The following RAB3IL1 variants were observed in gnomAD, a reference collection of about 807,000 sequenced individuals.
RAB3IL1 encodes RAB3A interacting protein like 1, also known as guanine nucleotide exchange factor for Rab-3A.
In RAB3IL1, 37 loss-of-function variants were observed where a neutral mutation model predicts 49.2. The observed-to-expected ratio is 0.75, with a 90% confidence interval of 0.58 to 0.99. RAB3IL1 has a LOEUF of 0.99. Ranked by LOEUF, RAB3IL1 falls within the 50% of genes least tolerant of loss-of-function variation. The pLI is 0.00. For missense variants in RAB3IL1, 484 were observed against 513.0 expected (o/e 0.94, Z 0.55); for synonymous variants, 193 against 213.9 (o/e 0.90, Z 0.85).
chr11:61,901,326 C>A (rs1178667842), intron 8 of RAB3IL1, among the ~76,000 whole-genome samples: 1 of 152,188 alleles, frequency 6.6e-6, no homozygotes, highest in Non-Finnish European at 1.5e-5. Context: ...TTGGTGAGAA[C>A]CCCTGTCCTG....
upstream of RAB3IL1, chr11:61,917,667 C>A: frequency 2.8e-6 from 2 of 701,814 alleles, no homozygotes; most frequent in Non-Finnish European, 3.5e-6. Context: ...TGGCCCCACC[C>A]GGCCCGCCGC....
At chr11:61,941,615 G>A in the RAB3IL1 span, among the ~76,000 whole-genome samples, 1 of 152,088 alleles carries the variant, frequency 6.6e-6, no homozygotes, top group Admixed American at 6.6e-5. Flanking sequence ...AGCCAGGTGT[G>A]GTGGCAGGCA....
the RAB3IL1 span, among the ~76,000 whole-genome samples, chr11:61,933,226 G>T: frequency 4.6e-5 from 7 of 152,194 alleles, no homozygotes; most frequent in East Asian, 1.3e-3. Flanking sequence ...TTAAGTTAAG[G>T]ACCGTGAGAT....
rs781070983 is a variant in RAB3IL1 at position 61,899,350 on chromosome 11, T to G, written c.1030A>C (p.Ile344Leu). Reference sequence around the variant, plus strand: ...ACCAGGCCTTGCTGGATGTAGCGGATGTAGGTGAAGAAGTTGCACACTGCG... The same window carrying G: ...ACCAGGCCTTGCTGGATGTAGCGGAGGTAGGTGAAGAAGTTGCACACTGCG... ...ITAVCNFFTYIRYIQQGLVRQ... is the reference protein window; with the variant it reads ...ITAVCNFFTYLRYIQQGLVRQ... Residue 344 changes from isoleucine (I) to leucine (L), a missense_variant, in exon 9 of 10, where the codon ATC (isoleucine) becomes CTC (leucine). Coordinates refer to ENST00000394836, the MANE Select transcript of RAB3IL1 (RefSeq NM_013401.4). 6 of 1,609,104 alleles carry G rather than the reference T, an allele frequency of 3.7e-6. No individual in the cohort carries two copies. Among genetic ancestry groups the G allele is most frequent in the Non-Finnish European group, 4.2e-6 (5 of 1,179,768 alleles).
Position 61,917,435 on chromosome 11 carries a change from G to A in RAB3IL1, c.-68C>T. On this transcript the variant is annotated 5_prime_UTR_variant, in exon 1 of 10. Coordinates refer to ENST00000394836, the MANE Select transcript of RAB3IL1 (RefSeq NM_013401.4). ...CGCGTCCTCCCAGCGCCGCGTCCCC[G>A]CCCGCCGCCGACTCCGCCAGGGGCC... 8.4e-7 allele frequency: 1 copy of A among 1,189,254 alleles called. No homozygotes were observed. Among genetic ancestry groups the A allele is most frequent in the Non-Finnish European group, 1.0e-6 (1 of 962,772 alleles). The allele number at this position is 1,189,254 out of a possible 1,614,324, so 73.7% of individuals were successfully genotyped here. A position where few individuals can be genotyped will look rare whatever the true frequency, so the allele number is the denominator to read the frequency against.
intron 1 of RAB3IL1, among the ~76,000 whole-genome samples, chr11:61,916,910 C>T (rs1939716302): frequency 6.6e-6 from 1 of 152,024 alleles, no homozygotes; most frequent in African/African-American, 2.4e-5. Flanking sequence ...GAGGTTCTGC[C>T]CTCAACTTGG....
Position 61,906,604 on chromosome 11 carries a change from A to T in RAB3IL1, c.519T>A (p.Leu173=). 1 of 1,611,232 alleles carries T rather than the reference A, an allele frequency of 6.2e-7. No homozygotes were observed. The highest frequency in any genetic ancestry group is 1.1e-5 in the South Asian group (1 of 90,452). Residue 173 remains leucine (L), a synonymous_variant, in exon 5 of 10, where the codon CTT becomes CTA. Coordinates refer to ENST00000394836, the MANE Select transcript of RAB3IL1 (RefSeq NM_013401.4). This position sits in a 1 kb window ranked among gnomAD's most constrained non-coding sequence, Gnocchi z 4.6. ...TGGTGGGGCTCAGCAGCTGGGGGTG[A>T]AGCTCGCGGTTGGGAGAGGCTGGTG... The part of the protein sequence containing the change: ...TSTPASPNRE[L]HPQLLSPTKA...
At chr11:61,913,790 GC>G (rs1939564856) in intron 1 of RAB3IL1, among the ~76,000 whole-genome samples, 1 of 152,188 alleles carries the variant, frequency 6.6e-6, no homozygotes, top group Non-Finnish European at 1.5e-5. Flanking sequence ...CGACCAGGCA[GC>G]CCCCTTCTTA....
At chr11:61,926,906 A>C in the RAB3IL1 span, among the ~76,000 whole-genome samples, 1 of 151,580 alleles carries the variant, frequency 6.6e-6, no homozygotes. Flanking sequence ...AGGCCCATGC[A>C]ATGCCACAAT....
chr11:61,945,447 C>A, the RAB3IL1 span, among the ~76,000 whole-genome samples: 1 of 152,194 alleles, frequency 6.6e-6, no homozygotes, highest in Non-Finnish European at 1.5e-5. Flanking sequence ...CGGGGAGTTG[C>A]TGCACTCACC....
At chr11:61,933,001 C>T in the RAB3IL1 span, among the ~76,000 whole-genome samples, 1 of 152,104 alleles carries the variant, frequency 6.6e-6, no homozygotes, top group Middle Eastern at 3.2e-3. Context: ...AAACTCCTGA[C>T]CTTGTGATCT....
At chr11:61,909,040 T>A (rs1293059092) in intron 1 of RAB3IL1, among the ~76,000 whole-genome samples, 1 of 151,820 alleles carries the variant, frequency 6.6e-6, no homozygotes, top group Non-Finnish European at 1.5e-5. Flanking sequence ...CCACCCACAC[T>A]CTCCACTCCA....
chr11:61,917,555 T>G lies in RAB3IL1; in HGVS notation c.-188A>C. The G allele has an allele frequency of 1.8e-6, 2 of 1,096,800 alleles. No individual in the cohort carries two copies. The highest frequency in any genetic ancestry group is 8.9e-5 in the South Asian group (2 of 22,556). 67.9% of individuals were successfully genotyped at this position (1,096,800 alleles called of 1,614,324 possible). A position where few individuals can be genotyped will look rare whatever the true frequency, so the allele number is the denominator to read the frequency against. ...CCCCAGCCCAGCCCCGACCCTGCCC[T>G]GGGCGGGTCACGTGGCGGAGGGGGG... On this transcript the variant is annotated 5_prime_UTR_variant, in exon 1 of 10. Coordinates refer to ENST00000394836, the MANE Select transcript of RAB3IL1 (RefSeq NM_013401.4).
chr11:61,901,697 T>C (rs1938924915), intron 8 of RAB3IL1, among the ~76,000 whole-genome samples: 1 of 152,210 alleles, frequency 6.6e-6, no homozygotes, highest in Non-Finnish European at 1.5e-5. Context: ...GGGTGTCCCC[T>C]TGCCAGCAGC....
At chr11:61,928,613 C>T in the RAB3IL1 span, among the ~76,000 whole-genome samples, 1 of 150,508 alleles carries the variant, frequency 6.6e-6, no homozygotes, top group Non-Finnish European at 1.5e-5. Context: ...AGCTAAGACC[C>T]TCCAAATACA....
At chr11:61,899,423 C>T (rs750199889) in intron 8 of RAB3IL1, 43 bp from the exon 9 acceptor site, 1 of 1,579,880 alleles carries the variant, frequency 6.3e-7, no homozygotes, top group East Asian at 2.3e-5. Context: ...CAGCCCCACG[C>T]TGGGGGTCCC....
chr11:61,904,478 C>T (rs1483466343), intron 7 of RAB3IL1, 68 bp downstream of exon 7: 1 of 1,437,782 alleles, frequency 7.0e-7, no homozygotes, highest in Non-Finnish European at 9.6e-7. Flanking sequence ...CACCCCTCGG[C>T]ACAGTAAACA....
rs1425981997 is a variant in RAB3IL1, at chr11:61,906,236, G to A, written c.657+230C>T. Among the ~76,000 whole-genome samples the A allele has an allele frequency of 6.6e-6, 1 of 152,184 alleles. No homozygotes were observed. Among genetic ancestry groups the A allele is most frequent in the African/African-American group, 2.4e-5 (1 of 41,444 alleles). On this transcript the variant is annotated intron_variant, in intron 5 of 9. Transcript: ENST00000394836. This position sits in a 1 kb window ranked among gnomAD's most constrained non-coding sequence, Gnocchi z 4.6. ...TACTGCTTGGAGTCAGTGGGGCAGG[G>A]AGGGGGCCTCAGGTCCCCAGATGGT...
At chr11:61,902,139 A>G (rs56752431) in intron 8 of RAB3IL1, among the ~76,000 whole-genome samples, 2,163 of 151,948 alleles carry the variant, frequency 0.014, 57 homozygotes, top group African/African-American at 0.049. Context: ...ACGTGGTGAA[A>G]CCCCATCTCT....
Sources: gnomAD v4.1 joint callset for allele counts (sites outside exome capture counted in the v4.1 genomes callset) on GRCh38, gnomAD v4.1.1 for gene constraint, Gnocchi (gnomAD v3.1) non-coding constraint, MANE v1.5 for transcripts, NCBI Gene and HGNC (gene_info 2026-07-23, HGNC 2026-07-21) for gene names.